ATF7IP: variants seen among roughly 807,000 people sequenced by gnomAD.
ATF7IP encodes the protein activating transcription factor 7-interacting protein 1.
In ATF7IP, 23 loss-of-function variants were observed where a neutral mutation model predicts 106.4. The observed-to-expected ratio is 0.22, with a 90% confidence interval of 0.16 to 0.31. The LOEUF (loss-of-function observed/expected upper bound fraction) is 0.31. Among genes scored for constraint, ATF7IP ranks in the 10% least tolerant of loss-of-function variants. The probability of loss-of-function intolerance (pLI) is 1.00; values close to 1 mark genes in which losing one functional copy is unlikely to be tolerated. For synonymous variants in ATF7IP, 542 were observed against 539.0 expected (o/e 1.01, Z -0.08); for missense variants, 1,334 against 1,524.3 (o/e 0.88, Z 2.08).
chr12:14,407,286 T>G (rs1233923572), intron 1 of ATF7IP, among the ~76,000 whole-genome samples: 1 of 152,178 alleles, frequency 6.6e-6, no homozygotes, highest in Non-Finnish European at 1.5e-5. Flanking sequence ...ATAGCATTGG[T>G]TTTAACATGA....
At chr12:14,434,200 TC>T (rs1942287803) in intron 2 of ATF7IP, 136 bp from the exon 3 acceptor site, 2 of 584,574 alleles carry the variant, frequency 3.4e-6, no homozygotes, top group Non-Finnish European at 6.0e-6. Context: ...CCTTTTCCCC[TC>T]CCCAAATTTT....
intron 10 of ATF7IP, among the ~76,000 whole-genome samples, chr12:14,471,705 C>A (rs989983113): frequency 7.9e-5 from 12 of 152,108 alleles, no homozygotes; most frequent in African/African-American, 2.9e-4. Flanking sequence ...AAGCCCCTTA[C>A]AAAACCATCA....
At chr12:14,482,883 C>T (rs900263108) in intron 13 of ATF7IP, among the ~76,000 whole-genome samples, 6 of 152,122 alleles carry the variant, frequency 3.9e-5, no homozygotes, top group African/African-American at 9.7e-5. Flanking sequence ...TTTGTACAAC[C>T]GGAAACACAC....
intron 1 of ATF7IP, among the ~76,000 whole-genome samples, chr12:14,391,835 C>T (rs986487720): frequency 5.9e-5 from 9 of 152,190 alleles, no homozygotes; most frequent in Non-Finnish European, 1.2e-4. Flanking sequence ...GGTCTTCCTG[C>T]CTCAGCCTCC....
intron 5 of ATF7IP, among the ~76,000 whole-genome samples, chr12:14,439,873 ATCCATCCATCCATCCT>A (rs945210920): frequency 2.7e-5 from 4 of 149,146 alleles, no homozygotes; most frequent in African/African-American, 9.7e-5. Flanking sequence ...CCATCCATCC[ATCCATCCATCCATCCT>A]AAAACAGTTT....
At chr12:14,466,729 C>T in intron 10 of ATF7IP, 139 bp downstream of exon 10, 1 of 696,994 alleles carries the variant, frequency 1.4e-6, no homozygotes. Context: ...CACAGCTTCT[C>T]TGTAATGTTT....
At chr12:14,412,306 G>A (rs140814998) in intron 1 of ATF7IP, among the ~76,000 whole-genome samples, 27 of 152,296 alleles carry the variant, frequency 1.8e-4, no homozygotes, top group Middle Eastern at 3.4e-3. Flanking sequence ...CAGCTTACCA[G>A]TGTCTGCAAA....
chr12:14,488,901 G>A (rs1944716795), intron 13 of ATF7IP, among the ~76,000 whole-genome samples: 1 of 152,206 alleles, frequency 6.6e-6, no homozygotes, highest in South Asian at 2.1e-4. Context: ...GTTTGTACAA[G>A]TGCATACATG....
intron 13 of ATF7IP, chr12:14,481,905 T>G (rs972014405): frequency 6.2e-6 from 1 of 161,096 alleles, no homozygotes; most frequent in Admixed American, 6.4e-5. Flanking sequence ...CTTGTATATA[T>G]CATATATTAG....
intron 1 of ATF7IP, among the ~76,000 whole-genome samples, chr12:14,406,299 A>C (rs1399371724): frequency 6.6e-6 from 1 of 151,922 alleles, no homozygotes; most frequent in African/African-American, 2.4e-5. Context: ...GGGTTTCGCC[A>C]TGTTGGCCAG....
intron 8 of ATF7IP, among the ~76,000 whole-genome samples, chr12:14,459,602 T>C (rs1943562914): frequency 6.6e-6 from 1 of 152,182 alleles, no homozygotes; most frequent in African/African-American, 2.4e-5. Flanking sequence ...TCAAATAATG[T>C]CTCATTGTTA....
At chr12:14,444,269 A>C (rs955060316) in intron 5 of ATF7IP, among the ~76,000 whole-genome samples, 1 of 152,218 alleles carries the variant, frequency 6.6e-6, no homozygotes, top group Non-Finnish European at 1.5e-5. Context: ...TAAATTTATG[A>C]CAGCCTAATA....
intron 1 of ATF7IP, among the ~76,000 whole-genome samples, chr12:14,399,239 A>T (rs1200744713): frequency 2.6e-5 from 4 of 152,136 alleles, no homozygotes; most frequent in Non-Finnish European, 4.4e-5. Context: ...GTCTTTGCTC[A>T]GAAGTAATAT....
At chr12:14,446,485 A>T (rs1942965776) in intron 5 of ATF7IP, among the ~76,000 whole-genome samples, 1 of 152,196 alleles carries the variant, frequency 6.6e-6, no homozygotes, top group South Asian at 2.1e-4. Context: ...AGACTAACAG[A>T]ATATGTAATT....
chr12:14,500,244 GAAAAC>G lies in ATF7IP; in HGVS notation c.*2172_*2176del, dbSNP rs1945126434. The G allele has an allele frequency of 2.6e-5, 4 of 152,148 alleles. No homozygotes were observed. Among genetic ancestry groups the G allele is most frequent in the Non-Finnish European group, 5.9e-5 (4 of 68,026 alleles). The allele number at this position is 152,148 out of a possible 1,614,324, so 9.4% of individuals were successfully genotyped here. On this transcript the variant is annotated 3_prime_UTR_variant, in exon 15 of 15. Transcript: ENST00000261168. The stretch of plus-strand genomic sequence containing the variant: ...TAATAGGAAGTATTCTAGTTGTAAA[GAAAAC>G]TCTTTAGAGACTTTTGACTGGTCAG...
chr12:14,371,104 T>G (rs922233016), intron 1 of ATF7IP, among the ~76,000 whole-genome samples: 1 of 152,032 alleles, frequency 6.6e-6, no homozygotes, highest in Non-Finnish European at 1.5e-5. Context: ...TTATGCTGAT[T>G]GCATTGAAAA....
chr12:14,459,729 C>G (rs1565530575), intron 8 of ATF7IP, among the ~76,000 whole-genome samples: 1 of 152,198 alleles, frequency 6.6e-6, no homozygotes. Flanking sequence ...TTTGGAAAGA[C>G]TATAAATCAA....
intron 1 of ATF7IP, among the ~76,000 whole-genome samples, chr12:14,366,201 CTCT>C (rs1327065121): frequency 9.9e-5 from 15 of 152,222 alleles, no homozygotes; most frequent in Admixed American, 9.8e-4. Context: ...CGACCTCAAG[CTCT>C]TCTCTGTTTT....
chr12:14,447,146 G>A, intron 6 of ATF7IP, 93 bp downstream of exon 6: 2 of 1,041,314 alleles, frequency 1.9e-6, no homozygotes, highest in Admixed American at 2.6e-5. Context: ...TTACAAATCT[G>A]AAATTTGCTT....
Sources: gnomAD v4.1 joint callset for allele counts (sites outside exome capture counted in the v4.1 genomes callset) on GRCh38, gnomAD v4.1.1 for gene constraint, MANE v1.5 for transcripts, NCBI Gene and HGNC (gene_info 2026-07-23, HGNC 2026-07-21) for gene names.